TTLL3: variants seen among roughly 807,000 people sequenced by gnomAD.
TTLL3 encodes the protein tubulin tyrosine ligase like 3.
A neutral mutation model predicts 75.2 loss-of-function variants in TTLL3; 63 were observed. The observed-to-expected ratio is 0.84, with a 90% CI of 0.68 to 1.03. The LOEUF (loss-of-function observed/expected upper bound fraction) is 1.03. Among genes scored for constraint, TTLL3 ranks in the 50% least tolerant of loss-of-function variants. TTLL3 has a pLI of 0.00. For synonymous variants in TTLL3, 393 were observed against 418.5 expected (o/e 0.94, Z 0.74); for missense variants, 997 against 1,069.9 (o/e 0.93, Z 0.95).
intron 12 of TTLL3, chr3:9,833,967 C>A: frequency 5.9e-6 from 1 of 169,980 alleles, no homozygotes; most frequent in Non-Finnish European, 1.3e-5. Flanking sequence ...CAAAAATTAG[C>A]CGAGTGTAGG....
At position 9,825,902 on chromosome 3, in the gene TTLL3, T is replaced by C; in HGVS notation, c.957T>C (p.Asp319=). 1 of 1,614,118 alleles carries C rather than the reference T, an allele frequency of 6.2e-7. No homozygotes were observed. Among genetic ancestry groups the C allele is most frequent in the Non-Finnish European group, 8.5e-7 (1 of 1,180,014 alleles). The change falls in exon 9 of 14, where the codon GAT becomes GAC. Residue 319 remains aspartate (D), a synonymous_variant. Coordinates refer to ENST00000685419, the MANE Select transcript of TTLL3 (RefSeq NM_001387446.1). ...TACCCCAGATAGACATGGAAGGGGATCGCAACATCTGGATCGTGAAGCCAG... is the reference window on the plus strand; with the variant it reads ...TACCCCAGATAGACATGGAAGGGGACCGCAACATCTGGATCGTGAAGCCAG... The part of the protein sequence containing the change: ...AVVPQIDMEG[D]RNIWIVKPGA...
In TTLL3 at chr3:9,834,761, A is replaced by G. The variant is rs753820029; in HGVS notation, c.1906A>G (p.Arg636Gly). ...ACTCCGACACCAGGGCCAGGTCCTC[A>G]GACGACAGCACAGCAAGCTGGTGGG... ...HVLRHQGQVLRRQHSKLVGTK... is the reference protein window; with the variant it reads ...HVLRHQGQVLGRQHSKLVGTK... Residue 636 changes from arginine (R) to glycine (G), a missense_variant, in exon 13 of 14, where the codon AGA becomes GGA. Arg to Gly is a moderately radical substitution (Grantham distance 125). Coordinates refer to ENST00000685419, the MANE Select transcript of TTLL3 (RefSeq NM_001387446.1). The G allele has an allele frequency of 4.0e-5, 64 of 1,614,216 alleles. No individual in the cohort carries two copies. In the African/African-American group the frequency reaches 4.3e-4, roughly 11 times the overall value.
Position 9,818,833 on chromosome 3 carries a change from C to T in TTLL3, c.571C>T (p.Leu191=), listed in dbSNP as rs987023633. The T allele has an allele frequency of 2.5e-6, 4 of 1,613,994 alleles. No individual in the cohort carries two copies. Among genetic ancestry groups the T allele is most frequent in the Non-Finnish European group, 2.5e-6 (3 of 1,179,984 alleles). Residue 191 remains leucine (L), a synonymous_variant, in exon 7 of 14, where the codon CTG becomes TTG. Coordinates refer to ENST00000685419, the MANE Select transcript of TTLL3 (RefSeq NM_001387446.1). ...TGGCCTGGGAGCAGAGGACTTCTGG[C>T]TGACTGCTGCCCGCAACGTTCTCAA... ...DKKAFIEDFW[L]TAARNVLKLV... is the part of the protein sequence containing the mutation.
chr3:9,830,994 G>A (rs957251177), intron 11 of TTLL3, among the ~76,000 whole-genome samples: 5 of 152,068 alleles, frequency 3.3e-5, no homozygotes, highest in Non-Finnish European at 7.4e-5. Context: ...GTAGAGATGG[G>A]GTTTCACCAT....
chr3:9,830,189 A>T (rs932464984), intron 11 of TTLL3, among the ~76,000 whole-genome samples: 4 of 152,212 alleles, frequency 2.6e-5, no homozygotes, highest in African/African-American at 9.7e-5. Flanking sequence ...AATGCTACTA[A>T]GTTTTAGCTA....
intron 11 of TTLL3, among the ~76,000 whole-genome samples, chr3:9,831,259 G>A (rs367903060): frequency 2.6e-5 from 4 of 152,144 alleles, no homozygotes; most frequent in South Asian, 2.1e-4. Context: ...GGGGCCAGGC[G>A]GGTTGTTTTG....
At chr3:9,824,445 C>T (rs2080816767) in intron 8 of TTLL3, among the ~76,000 whole-genome samples, 1 of 152,216 alleles carries the variant, frequency 6.6e-6, no homozygotes, top group South Asian at 2.1e-4. Flanking sequence ...GAGCCTCGCT[C>T]CGTTGCCCAC....
In TTLL3 at chr3:9,828,752, C is replaced by A. The variant is rs1311995435; in HGVS notation, c.1248-208C>A. On this transcript the variant is annotated intron_variant, in intron 10 of 13. Coordinates refer to ENST00000685419, the MANE Select transcript of TTLL3 (RefSeq NM_001387446.1). ...GCCCCCGTAACTAGCGCCCTCAGAG[C>A]AGCCCTGAGAGATAAGAGTGGTTCT... 10 of 647,860 alleles carry A rather than the reference C, an allele frequency of 1.5e-5. No individual in the cohort carries two copies. The African/African-American group carries it at 1.6e-4, about 11-fold the overall frequency. 40.1% of individuals were successfully genotyped at this position (647,860 alleles called of 1,614,324 possible).
At chr3:9,813,176 C>G in intron 3 of TTLL3, 65 bp downstream of exon 3, 1 of 1,610,376 alleles carries the variant, frequency 6.2e-7, no homozygotes, top group Non-Finnish European at 8.5e-7. Flanking sequence ...TTCCCACTGT[C>G]CCAGAGTTGA....
At chr3:9,824,184 A>T (rs2080793970) in intron 8 of TTLL3, among the ~76,000 whole-genome samples, 1 of 152,208 alleles carries the variant, frequency 6.6e-6, no homozygotes, top group South Asian at 2.1e-4. Flanking sequence ...AGGTGGGGGT[A>T]GATGATGGGA....
chr3:9,817,651 C>CT lies in TTLL3; in HGVS notation c.452dup (p.Cys152MetfsTer11). 6.2e-7 allele frequency: 1 copy of CT among 1,614,106 alleles called. No individual in the cohort carries two copies. Among genetic ancestry groups the CT allele is most frequent in the Non-Finnish European group, 8.5e-7 (1 of 1,180,028 alleles). On this transcript the variant is annotated frameshift_variant, in exon 6 of 14. Transcript: ENST00000685419. LOFTEE classifies it high-confidence loss of function. ...TCAGTGGCTAACTCCGTAGGTGGGT[C>CT]TATGTCTCAATCTCCGGAATTTGCC...
At chr3:9,833,494 T>C (rs1347912897) in intron 12 of TTLL3, among the ~76,000 whole-genome samples, 2 of 152,154 alleles carry the variant, frequency 1.3e-5, no homozygotes, top group Non-Finnish European at 2.9e-5. Context: ...ACCCCACCAC[T>C]TGAACAGATT....
chr3:9,828,872 G>A (rs764717236), intron 10 of TTLL3, 88 bp from the exon 11 acceptor site: 46 of 1,546,130 alleles, frequency 3.0e-5, no homozygotes, highest in Admixed American at 2.0e-4. Flanking sequence ...GGTGGCCCAG[G>A]GCTGCTTCCA....
At position 9,827,013 on chromosome 3, in the gene TTLL3, C is replaced by A. The variant is rs758940058; in HGVS notation, c.1020C>A (p.Asp340Glu). ...CCCCCGTAGGCATCATGTGCATGGA[C>A]CACCTGGAGGAGATGCTGAAGCTGG... is the stretch of plus-strand genomic sequence containing the variant. ...KSRGRGIMCM[D>E]HLEEMLKLVN... Residue 340 changes from aspartate (D) to glutamate (E), a missense_variant, in exon 10 of 14, where the codon GAC (aspartate) becomes GAA (glutamate). Physicochemically the swap from Asp to Glu is conservative, Grantham distance 45 (BLOSUM62 2). Coordinates refer to ENST00000685419, the MANE Select transcript of TTLL3 (RefSeq NM_001387446.1). 1 of 1,614,144 alleles carries A rather than the reference C, an allele frequency of 6.2e-7. No individual in the cohort carries two copies. The highest frequency in any genetic ancestry group is 8.5e-7 in the Non-Finnish European group (1 of 1,180,032).
At chr3:9,833,067 T>C in intron 11 of TTLL3, 37 bp from the exon 12 acceptor site, 1 of 1,612,266 alleles carries the variant, frequency 6.2e-7, no homozygotes, top group Non-Finnish European at 8.5e-7. Context: ...CCAGTACCAC[T>C]GACTGAGTGG....
At chr3:9,829,764 G>A (rs534199236) in intron 11 of TTLL3, among the ~76,000 whole-genome samples, 9 of 152,254 alleles carry the variant, frequency 5.9e-5, no homozygotes, top group African/African-American at 2.2e-4. Context: ...CTCCTTGTCC[G>A]TAAGAATAAA....
chr3:9,835,159 G>T lies in TTLL3; in HGVS notation c.2118G>T (p.Lys706Asn), dbSNP rs1209884320. Residue 706 changes from lysine to asparagine, a missense_variant, in exon 14 of 14, where the codon AAG becomes AAT. Transcript: ENST00000685419. ...TGCCTTGTTGCCTCTGCCCTTTGAAGTCGGAACAATTCCTAGCACCTGTCG... is the reference window on the plus strand; with the variant it reads ...TGCCTTGTTGCCTCTGCCCTTTGAATTCGGAACAATTCCTAGCACCTGTCG... ...LEVPCCLCPL[K>N]SEQFLAPVGR... 6.2e-7 allele frequency: 1 copy of T among 1,614,236 alleles called. No homozygotes were observed. Among genetic ancestry groups the T allele is most frequent in the Non-Finnish European group, 8.5e-7 (1 of 1,180,038 alleles).
At chr3:9,827,994 T>C (rs1382076458) in intron 10 of TTLL3, 1 of 151,942 alleles carries the variant, frequency 6.6e-6, no homozygotes, top group East Asian at 1.9e-4. Flanking sequence ...ATATAAAAAT[T>C]AGCCGGGCGT....
At chr3:9,823,412 T>TG (rs1460073635) in intron 8 of TTLL3, among the ~76,000 whole-genome samples, 4 of 151,076 alleles carry the variant, frequency 2.6e-5, no homozygotes, top group Non-Finnish European at 4.4e-5. Flanking sequence ...GTTTTTTTTT[T>TG]TTTTTTTTTT....
Sources: gnomAD v4.1 joint callset for allele counts (sites outside exome capture counted in the v4.1 genomes callset) on GRCh38, gnomAD v4.1.1 for gene constraint, MANE v1.5 for transcripts, NCBI Gene and HGNC (gene_info 2026-07-23, HGNC 2026-07-21) for gene names.